Variants in SELENOF observed in about 807,000 individuals in gnomAD.
The protein encoded by SELENOF is selenoprotein F, also known as 15 kDa selenoprotein.
Under a neutral mutation model 20.5 loss-of-function variants are expected in SELENOF, and 16 were observed. The ratio of observed to expected loss-of-function variants is 0.78; its 90% CI spans 0.53 to 1.19. The LOEUF is 1.19. SELENOF is among the 50% of genes most tolerant of loss of function. SELENOF has a pLI of 0.00. For missense variants in SELENOF, 215 were observed against 194.2 expected (o/e 1.11, Z -0.64); for synonymous variants, 78 against 74.5 (o/e 1.05, Z -0.24).
At chr1:86,914,207 T>C (rs1293001704), upstream of SELENOF, 1 of 1,051,392 alleles carries the variant, frequency 9.5e-7, no homozygotes, top group South Asian at 1.3e-5. Flanking sequence ...CCGTTGCCCT[T>C]ACATCTCTCA....
chr1:86,900,914 T>G (rs526600), intron 2 of SELENOF, among the ~76,000 whole-genome samples: 2 of 152,224 alleles, frequency 1.3e-5, no homozygotes, highest in East Asian at 1.9e-4. Context: ...CTTTTTTGAG[T>G]CAGGGTCTCT....
At chr1:86,902,304 T>C (rs1659723322) in intron 2 of SELENOF, among the ~76,000 whole-genome samples, 1 of 152,216 alleles carries the variant, frequency 6.6e-6, no homozygotes, top group Non-Finnish European at 1.5e-5. Context: ...ATTTTTGAGA[T>C]ACTTGGAATT....
intron 2 of SELENOF, among the ~76,000 whole-genome samples, chr1:86,898,144 C>T (rs1427505349): frequency 1.3e-5 from 2 of 152,210 alleles, no homozygotes; most frequent in Non-Finnish European, 2.9e-5. Flanking sequence ...AATAAGTCAA[C>T]ATCCTTACCA....
At chr1:86,892,110 T>A (rs1457380587) in intron 2 of SELENOF, among the ~76,000 whole-genome samples, 1 of 152,018 alleles carries the variant, frequency 6.6e-6, no homozygotes, top group African/African-American at 2.4e-5. Context: ...TCTTTTGTAT[T>A]TTTAGTAGAG....
chr1:86,881,143 TTTAATA>T (rs1323213569), intron 2 of SELENOF, among the ~76,000 whole-genome samples: 5 of 152,190 alleles, frequency 3.3e-5, no homozygotes, highest in Non-Finnish European at 7.4e-5. Flanking sequence ...TCTGGTGGCT[TTTAATA>T]TTAAGTGATC....
At chr1:86,879,551 A>C (rs781704567) in intron 3 of SELENOF, among the ~76,000 whole-genome samples, 10 of 152,228 alleles carry the variant, frequency 6.6e-5, no homozygotes, top group African/African-American at 1.2e-4. Context: ...CAATGTTATA[A>C]AATATTAAAT....
At chr1:86,912,828 G>A (rs566673989) in intron 1 of SELENOF, among the ~76,000 whole-genome samples, 3 of 152,204 alleles carry the variant, frequency 2.0e-5, no homozygotes, top group African/African-American at 4.8e-5. Context: ...CCAGAATTAT[G>A]AGAAATCATT....
chr1:86,913,875 G>C, intron 1 of SELENOF, 153 bp downstream of exon 1: 2 of 686,072 alleles, frequency 2.9e-6, no homozygotes, highest in Non-Finnish European at 2.6e-6. Flanking sequence ...AGGATCAACC[G>C]AGAAATTAAG....
At chr1:86,879,868 G>GAT (rs1179545921) in intron 3 of SELENOF, among the ~76,000 whole-genome samples, 1 of 152,138 alleles carries the variant, frequency 6.6e-6, no homozygotes, top group Non-Finnish European at 1.5e-5. Context: ...TCCCTGTGAA[G>GAT]ATATATACAT....
At chr1:86,912,618 T>G (rs1005058933) in intron 1 of SELENOF, among the ~76,000 whole-genome samples, 2 of 151,908 alleles carry the variant, frequency 1.3e-5, no homozygotes, top group African/African-American at 4.8e-5. Flanking sequence ...GCCCTGAGAG[T>G]GCCATGAAAA....
intron 1 of SELENOF, among the ~76,000 whole-genome samples, chr1:86,909,476 T>C (rs3766015): frequency 3.9e-5 from 6 of 152,332 alleles, no homozygotes; most frequent in East Asian, 1.9e-4. Context: ...ATGACTTTGA[T>C]GGCATGGAGC....
intron 2 of SELENOF, among the ~76,000 whole-genome samples, chr1:86,880,998 C>T (rs1659052814): frequency 6.6e-6 from 1 of 152,146 alleles, no homozygotes; most frequent in East Asian, 1.9e-4. Flanking sequence ...GGAGATTTGA[C>T]AATAAACTTT....
intron 1 of SELENOF, among the ~76,000 whole-genome samples, chr1:86,912,948 C>T (rs1660024030): frequency 6.6e-6 from 1 of 151,956 alleles, no homozygotes; most frequent in African/African-American, 2.4e-5. Context: ...CTCGAATGAC[C>T]TAAAGATGTG....
Position 86,903,399 on chromosome 1 carries a change from C to G in SELENOF, c.134G>C (p.Gly45Ala), listed in dbSNP as rs749644375. ...EFSSEACRELGFSSNLLCSSC... is the reference protein window; with the variant it reads ...EFSSEACRELAFSSNLLCSSC... The stretch of plus-strand genomic sequence containing the variant: ...GCTGCAAAGCAAGTTGCTAGAAAAG[C>G]CTAACTCTCTGCATGCCTCCGATGA... Residue 45 changes from glycine to alanine, a missense_variant, in exon 2 of 5, where the codon GGC becomes GCC. Physicochemically the swap from Gly to Ala is moderately conservative, Grantham distance 60. Coordinates refer to ENST00000331835, the MANE Select transcript of SELENOF (RefSeq NM_004261.5). 1.9e-6 allele frequency: 3 copies of G among 1,611,574 alleles called. No homozygotes were observed. Among genetic ancestry groups the G allele is most frequent in the Non-Finnish European group, 2.5e-6 (3 of 1,178,810 alleles).
chr1:86,865,758 T>C (rs1373563382), intron 4 of SELENOF, among the ~76,000 whole-genome samples: 1 of 152,178 alleles, frequency 6.6e-6, no homozygotes, highest in Non-Finnish European at 1.5e-5. Context: ...GATCCAGCAA[T>C]TCCACTTCTT....
At chr1:86,904,629 C>T (rs565658939) in intron 1 of SELENOF, among the ~76,000 whole-genome samples, 1 of 152,318 alleles carries the variant, frequency 6.6e-6, no homozygotes, top group African/African-American at 2.4e-5. Flanking sequence ...CACGTTCTGT[C>T]ATTTCTGAAT....
At chr1:86,884,937 T>C (rs1163141793) in intron 2 of SELENOF, among the ~76,000 whole-genome samples, 1 of 152,234 alleles carries the variant, frequency 6.6e-6, no homozygotes, top group Non-Finnish European at 1.5e-5. Context: ...ATGTAACTTA[T>C]GACCGTCAGA....
chr1:86,880,135 ATTTC>A (rs1659028529), intron 3 of SELENOF, among the ~76,000 whole-genome samples: 3 of 151,442 alleles, frequency 2.0e-5, no homozygotes, highest in Non-Finnish European at 2.9e-5. Context: ...TTAAATCTGA[ATTTC>A]TTTTTTTTTT....
chr1:86,892,543 G>C (rs1434443194), intron 2 of SELENOF, among the ~76,000 whole-genome samples: 1 of 152,140 alleles, frequency 6.6e-6, no homozygotes, highest in Non-Finnish European at 1.5e-5. Context: ...TTACACATCA[G>C]TAGCATTCTC....
Sources: gnomAD v4.1 joint callset for allele counts (sites outside exome capture counted in the v4.1 genomes callset) on GRCh38, gnomAD v4.1.1 for gene constraint, MANE v1.5 for transcripts, NCBI Gene and HGNC (gene_info 2026-07-23, HGNC 2026-07-21) for gene names.